The following MGMT variants were observed in gnomAD, a reference collection of about 807,000 sequenced individuals.
The protein encoded by MGMT is O-6-methylguanine-DNA methyltransferase.
A neutral mutation model predicts 15.9 loss-of-function variants in MGMT; 14 were observed. That is an observed-to-expected ratio of 0.88 (90% CI 0.58 to 1.37). The LOEUF (loss-of-function observed/expected upper bound fraction) is 1.37, where lower values mean the gene tolerates loss of function less well. Among genes scored for constraint, MGMT ranks in the 40% most tolerant of loss-of-function variants. The pLI, the probability that MGMT is intolerant of heterozygous loss-of-function variation, is 0.00. For synonymous variants in MGMT, 130 were observed against 118.2 expected (o/e 1.10, Z -0.65); for missense variants, 282 against 268.1 (o/e 1.05, Z -0.36).
chr10:129,618,379 A>G (rs1847052482), intron 2 of MGMT, among the ~76,000 whole-genome samples: 1 of 151,932 alleles, frequency 6.6e-6, no homozygotes, highest in South Asian at 2.1e-4. Flanking sequence ...GCTTGTCCTC[A>G]TGCCAACATG....
At chr10:129,609,825 G>C (rs982271534) in intron 2 of MGMT, among the ~76,000 whole-genome samples, 7 of 152,092 alleles carry the variant, frequency 4.6e-5, no homozygotes, top group Admixed American at 1.3e-4. Flanking sequence ...ATTTCACCTG[G>C]GGGGACACCA....
At chr10:129,527,637 T>A (rs1299695064) in intron 1 of MGMT, among the ~76,000 whole-genome samples, 1 of 152,172 alleles carries the variant, frequency 6.6e-6, no homozygotes, top group African/African-American at 2.4e-5. Flanking sequence ...CTCTATGGTT[T>A]GCCTGGAGAG....
intron 2 of MGMT, among the ~76,000 whole-genome samples, chr10:129,671,359 C>T (rs914284280): frequency 6.6e-6 from 1 of 152,052 alleles, no homozygotes; most frequent in African/African-American, 2.4e-5. Flanking sequence ...GCAAATGCTA[C>T]TAATTAGAAG....
intron 3 of MGMT, among the ~76,000 whole-genome samples, chr10:129,726,532 A>G (rs1317841380): frequency 6.6e-6 from 1 of 152,204 alleles, no homozygotes; most frequent in Non-Finnish European, 1.5e-5. Context: ...ACCAGAAGGG[A>G]GCAGCCTCAC....
At chr10:129,759,837 G>T (rs967528646) in intron 4 of MGMT, among the ~76,000 whole-genome samples, 3 of 152,108 alleles carry the variant, frequency 2.0e-5, no homozygotes, top group Non-Finnish European at 4.4e-5. Context: ...GAGGCCCAGG[G>T]CTCCCTGGGT....
At chr10:129,663,980 A>T (rs1231046931) in intron 2 of MGMT, among the ~76,000 whole-genome samples, 3 of 152,206 alleles carry the variant, frequency 2.0e-5, no homozygotes, top group African/African-American at 7.2e-5. Context: ...ACAAATTGAA[A>T]CCTAAACCTG....
At chr10:129,515,526 T>C (rs1212738296) in intron 1 of MGMT, among the ~76,000 whole-genome samples, 4 of 152,326 alleles carry the variant, frequency 2.6e-5, no homozygotes, top group South Asian at 4.1e-4. Flanking sequence ...ATGGGAAAGT[T>C]GGTGCTTTAG....
intron 2 of MGMT, among the ~76,000 whole-genome samples, chr10:129,622,943 CG>C (rs1237627668): frequency 6.6e-6 from 1 of 152,056 alleles, no homozygotes; most frequent in East Asian, 1.9e-4. Context: ...CTACGTGGGC[CG>C]AGCATACAGC....
intron 2 of MGMT, among the ~76,000 whole-genome samples, chr10:129,698,703 A>G (rs1026384652): frequency 2.0e-5 from 3 of 152,220 alleles, no homozygotes; most frequent in Non-Finnish European, 4.4e-5. Context: ...TTGTCACATC[A>G]AGTAAAAGAT....
intron 1 of MGMT, among the ~76,000 whole-genome samples, chr10:129,521,836 A>G (rs1032883528): frequency 2.0e-5 from 3 of 152,208 alleles, no homozygotes; most frequent in Non-Finnish European, 4.4e-5. Flanking sequence ...CCCCGGTGCT[A>G]GTGCCAGCAT....
chr10:129,592,924 G>A (rs1357534852), intron 2 of MGMT, among the ~76,000 whole-genome samples: 2 of 151,926 alleles, frequency 1.3e-5, no homozygotes, highest in African/African-American at 4.8e-5. Context: ...TTCAAACACA[G>A]TATCAATAGA....
intron 2 of MGMT, among the ~76,000 whole-genome samples, chr10:129,540,722 CTTCTATT>C (rs1846034001): frequency 6.6e-6 from 1 of 152,196 alleles, no homozygotes; most frequent in Non-Finnish European, 1.5e-5. Context: ...AGCATTCCCT[CTTCTATT>C]TTCTGAAAGA....
chr10:129,585,545 A>G (rs918767616), intron 2 of MGMT, among the ~76,000 whole-genome samples: 2 of 152,216 alleles, frequency 1.3e-5, no homozygotes. Context: ...CTATTCTTAT[A>G]TAGCCCAGAG....
chr10:129,639,158 A>T (rs892008156), intron 2 of MGMT, among the ~76,000 whole-genome samples: 1 of 152,192 alleles, frequency 6.6e-6, no homozygotes, highest in South Asian at 2.1e-4. Context: ...GAAAAAATAC[A>T]AAGATCTTAA....
At chr10:129,695,967 A>T (rs1347092470) in intron 2 of MGMT, among the ~76,000 whole-genome samples, 1 of 152,060 alleles carries the variant, frequency 6.6e-6, no homozygotes, top group Non-Finnish European at 1.5e-5. Context: ...ACTGGCTTCC[A>T]TTTCCCAGGA....
chr10:129,629,153 G>C (rs1033251694), intron 2 of MGMT, among the ~76,000 whole-genome samples: 1 of 152,226 alleles, frequency 6.6e-6, no homozygotes, highest in Non-Finnish European at 1.5e-5. Flanking sequence ...TGTGGCATTA[G>C]GTCTTCCCTT....
rs181951210 is a variant in MGMT, at chr10:129,562,295, G to A, written c.125+25918G>A. On this transcript the variant is annotated intron_variant, in intron 2 of 4. Coordinates refer to ENST00000651593, the MANE Select transcript of MGMT (RefSeq NM_002412.5). ...TGCAATGGTCTTTGGGACGCCATTC[G>A]AACCTGGCCTGCCCCTTGCTGGCAC... Among the ~76,000 whole-genome samples, 247 of 152,256 alleles carry A rather than the reference G, an allele frequency of 1.6e-3. 1 individual carries two copies. Among genetic ancestry groups the A allele is most frequent in the African/African-American group, 5.6e-3 (233 of 41,532 alleles).
intron 2 of MGMT, among the ~76,000 whole-genome samples, chr10:129,680,922 C>T (rs886775805): frequency 6.6e-6 from 1 of 152,206 alleles, no homozygotes; most frequent in African/African-American, 2.4e-5. Flanking sequence ...CCTGAGCGAC[C>T]CCATCAGTAA....
Position 129,544,307 on chromosome 10 carries a change from C to T in MGMT, c.125+7930C>T, listed in dbSNP as rs557341099. Among the ~76,000 whole-genome samples, 85 of 152,284 alleles carry T rather than the reference C, an allele frequency of 5.6e-4. No homozygotes were observed. In the East Asian group the frequency reaches 7.7e-3, roughly 14 times the overall value. ...GGCAGCCACCGGATAGGCACGTTGC[C>T]GCCACAGCCAGCATCGGCGTCTGTT... On this transcript the variant is annotated intron_variant, in intron 2 of 4. Transcript: ENST00000651593.
Sources: allele counts gnomAD v4.1 joint callset (sites outside exome capture counted in the v4.1 genomes callset), GRCh38; gene constraint gnomAD v4.1.1; transcripts MANE v1.5; gene names NCBI Gene and HGNC (gene_info 2026-07-23, HGNC 2026-07-21).